Variants in FMN1 observed in about 807,000 individuals in gnomAD.
FMN1 encodes formin 1, also known as formin-1.
FMN1 carries 110 observed loss-of-function variants against 132.4 expected under a neutral mutation model. The observed-to-expected ratio is 0.83, with a 90% CI of 0.71 to 0.97. FMN1 has a LOEUF of 0.97. FMN1 is among the 50% of genes least tolerant of loss of function. FMN1 has a pLI of 0.00. For missense variants in FMN1, 1,792 were observed against 1,705.3 expected (o/e 1.05, Z -0.90); for synonymous variants, 722 against 651.7 (o/e 1.11, Z -1.64).
At chr15:33,019,330 A>C (rs889163404) in intron 6 of FMN1, among the ~76,000 whole-genome samples, 1 of 152,126 alleles carries the variant, frequency 6.6e-6, no homozygotes, top group Non-Finnish European at 1.5e-5. Context: ...ACCTTGAGCT[A>C]GATACAGAGT....
At chr15:32,792,848 C>T (rs1258755) in intron 19 of FMN1, among the ~76,000 whole-genome samples, 42,772 of 152,120 alleles carry the variant, frequency 0.28, 7,509 homozygotes, top group Non-Finnish European at 0.38. Flanking sequence ...AAGGACCTTA[C>T]CTTAAGGACG....
chr15:33,189,250 T>C (rs1463964390), intron 2 of FMN1, among the ~76,000 whole-genome samples: 2 of 152,108 alleles, frequency 1.3e-5, no homozygotes, highest in Admixed American at 6.5e-5. Context: ...AAGTAGAAGG[T>C]AGAGGATGCT....
rs116461657 is a variant in FMN1 at position 32,890,351 on chromosome 15, G to C, written c.3715-2059C>G. The stretch of plus-strand genomic sequence containing the variant: ...CAGTTCTTTAAGGAGTCTCCACACT[G>C]TTTTCCATACTGACTGTACAAGTTT... On this transcript the variant is annotated intron_variant, in intron 15 of 20. Transcript: ENST00000616417. Among the ~76,000 whole-genome samples the C allele has an allele frequency of 6.6e-3, 999 of 152,320 alleles. 13 individuals are homozygous for C. The highest frequency in any genetic ancestry group is 0.023 in the African/African-American group (950 of 41,568).
chr15:32,998,718 A>G (rs2033922762), intron 7 of FMN1, among the ~76,000 whole-genome samples: 1 of 152,200 alleles, frequency 6.6e-6, no homozygotes, highest in African/African-American at 2.4e-5. Flanking sequence ...ATAAAAAGAA[A>G]ACTGTCTTGG....
chr15:33,034,096 T>A (rs1175127343), intron 6 of FMN1, among the ~76,000 whole-genome samples: 1 of 152,148 alleles, frequency 6.6e-6, no homozygotes, highest in Admixed American at 6.5e-5. Flanking sequence ...TACAAATGAC[T>A]CCCCAATATA....
chr15:33,182,084 G>C (rs1279648704), intron 2 of FMN1, among the ~76,000 whole-genome samples: 2 of 152,200 alleles, frequency 1.3e-5, no homozygotes, highest in Non-Finnish European at 2.9e-5. Flanking sequence ...TCTGGAAGCA[G>C]AGAGAAGCCA....
Position 32,911,963 on chromosome 15 carries a change from T to C in FMN1, c.3227-1428A>G, listed in dbSNP as rs535654312. ...CAGACACAACAGGCATTTTTAAATGTCTAGTGCGTTGAAAACCAAAATAGC... is the reference window on the plus strand; with the variant it reads ...CAGACACAACAGGCATTTTTAAATGCCTAGTGCGTTGAAAACCAAAATAGC... On this transcript the variant is annotated intron_variant, in intron 10 of 20. Transcript: ENST00000616417. 2.0e-4 allele frequency among the ~76,000 whole-genome samples: 30 copies of C among 152,322 alleles called. No individual in the cohort carries two copies. In the East Asian group the frequency reaches 5.2e-3, roughly 26 times the overall value.
Position 33,154,598 on chromosome 15 carries a change from T to C in FMN1, c.317A>G (p.His106Arg), listed in dbSNP as rs1964595963. The change falls in exon 4 of 21, where the codon CAC becomes CGC. Residue 106 changes from histidine (H) to arginine (R), a missense_variant. By Grantham distance (29) the His-to-Arg change is conservative. This residue lies in a region of FMN1 where 638 missense variants were observed against 645.2 expected (regional missense o/e 0.99). Coordinates refer to ENST00000616417, the MANE Select transcript of FMN1 (RefSeq NM_001277313.2). ...RLLTNLLSSDHILGITMGNQE... is the reference protein window; with the variant it reads ...RLLTNLLSSDRILGITMGNQE... Reference sequence around the variant, plus strand: ...GTTCCCCATCGTGATCCCCAGGATGTGGTCTGAGCTCAGGAGATTGGTTAG... The same window carrying C: ...GTTCCCCATCGTGATCCCCAGGATGCGGTCTGAGCTCAGGAGATTGGTTAG... 6.5e-7 allele frequency: 1 copy of C among 1,536,074 alleles called. No homozygotes were observed. Among genetic ancestry groups the C allele is most frequent in the East Asian group, 2.4e-5 (1 of 40,908 alleles).
intron 5 of FMN1, among the ~76,000 whole-genome samples, chr15:33,076,746 C>A (rs1041122620): frequency 3.9e-5 from 6 of 152,102 alleles, no homozygotes; most frequent in Non-Finnish European, 7.4e-5. Flanking sequence ...TGTTTCTTTT[C>A]ATGACAATAA....
chr15:32,963,592 A>G (rs530510357), intron 9 of FMN1, among the ~76,000 whole-genome samples: 1 of 152,322 alleles, frequency 6.6e-6, no homozygotes, highest in Non-Finnish European at 1.5e-5. Context: ...CCACGTTACC[A>G]TACTGGATAC....
At chr15:32,825,438 C>T (rs945998470) in intron 17 of FMN1, among the ~76,000 whole-genome samples, 5 of 152,142 alleles carry the variant, frequency 3.3e-5, no homozygotes, top group East Asian at 1.9e-4. Flanking sequence ...GTTCTTTCTG[C>T]GTACGATGTG....
intron 9 of FMN1, among the ~76,000 whole-genome samples, chr15:32,932,537 T>C (rs572672354): frequency 1.3e-5 from 2 of 152,316 alleles, no homozygotes; most frequent in East Asian, 3.9e-4. Context: ...AAGGGTGACC[T>C]CTTCAATTTT....
intron 9 of FMN1, among the ~76,000 whole-genome samples, chr15:32,934,653 C>T (rs2061215426): frequency 6.9e-6 from 1 of 145,302 alleles, no homozygotes; most frequent in Non-Finnish European, 1.5e-5. Context: ...GTCACCCAGG[C>T]TGGAGTGCAA....
intron 9 of FMN1, among the ~76,000 whole-genome samples, chr15:32,940,733 A>C (rs1355666609): frequency 1.3e-5 from 2 of 152,138 alleles, no homozygotes; most frequent in Middle Eastern, 3.2e-3. Flanking sequence ...GAGTCTTGAG[A>C]GATGATAGGC....
At chr15:33,083,247 C>T (rs2038556631) in intron 5 of FMN1, among the ~76,000 whole-genome samples, 1 of 152,150 alleles carries the variant, frequency 6.6e-6, no homozygotes, top group Non-Finnish European at 1.5e-5. Context: ...CAAATATATT[C>T]AAATATATAT....
chr15:33,069,390 G>A (rs1342287431), intron 5 of FMN1, among the ~76,000 whole-genome samples: 2 of 152,188 alleles, frequency 1.3e-5, no homozygotes, highest in African/African-American at 4.8e-5. Flanking sequence ...TCTGGTTGGA[G>A]AGGCAAGTCA....
chr15:32,910,006 C>T (rs2060519177), intron 11 of FMN1, among the ~76,000 whole-genome samples: 1 of 152,156 alleles, frequency 6.6e-6, no homozygotes, highest in African/African-American at 2.4e-5. Context: ...GGACCTCAAA[C>T]CTAAGACTGT....
chr15:32,997,857 G>A (rs1596434829), intron 7 of FMN1, among the ~76,000 whole-genome samples: 1 of 152,284 alleles, frequency 6.6e-6, no homozygotes, highest in African/African-American at 2.4e-5. Flanking sequence ...GAAAGGGAAA[G>A]GGCAAGAGGG....
intron 6 of FMN1, among the ~76,000 whole-genome samples, chr15:33,049,310 C>T (rs1022650954): frequency 1.3e-5 from 2 of 152,154 alleles, no homozygotes; most frequent in East Asian, 3.9e-4. Flanking sequence ...AATGAAGTCA[C>T]TTGTGGTAAA....
Sources: gnomAD v4.1 joint callset for allele counts (sites outside exome capture counted in the v4.1 genomes callset) on GRCh38, gnomAD v4.1.1 for gene constraint, gnomAD v4.1.1 regional missense constraint, MANE v1.5 for transcripts, NCBI Gene and HGNC (gene_info 2026-07-23, HGNC 2026-07-21) for gene names.